The following TBL1X variants were observed in gnomAD, a reference collection of about 807,000 sequenced individuals.
TBL1X encodes transducin beta like 1 X-linked.
In TBL1X, 10 loss-of-function variants were observed where a neutral mutation model predicts 50.7. That is an observed-to-expected ratio of 0.20 (90% CI 0.12 to 0.33). The LOEUF is 0.33. Ranked by LOEUF, TBL1X falls within the 10% of genes least tolerant of loss-of-function variation. TBL1X has a pLI of 1.00. For missense variants in TBL1X, 340 were observed against 504.4 expected (o/e 0.67, Z 3.12); for synonymous variants, 190 against 214.7 (o/e 0.88, Z 1.01).
intron 2 of TBL1X, among the ~76,000 whole-genome samples, chrX:9,577,663 C>T (rs1008848802): frequency 1.8e-5 from 2 of 111,823 alleles, no homozygotes; most frequent in Non-Finnish European, 3.8e-5. Flanking sequence ...ATATGCGCCA[C>T]GATGGAGGAG....
At chrX:9,562,529 T>C (rs1175935163) in intron 2 of TBL1X, among the ~76,000 whole-genome samples, 1 of 111,689 alleles carries the variant, frequency 9.0e-6, no homozygotes, top group Non-Finnish European at 1.9e-5. Flanking sequence ...TAATGTCTCT[T>C]TTTCTCCTTA....
intron 2 of TBL1X, chrX:9,637,583 G>A (rs930139536): frequency 3.6e-5 from 4 of 111,963 alleles, no homozygotes; most frequent in African/African-American, 9.7e-5. Context: ...GGTATAATGC[G>A]TGTTATGGAT....
intron 5 of TBL1X, among the ~76,000 whole-genome samples, chrX:9,661,790 C>T (rs1191928894): frequency 9.0e-6 from 1 of 111,261 alleles, no homozygotes; most frequent in African/African-American, 3.3e-5. Context: ...TGGCGTGGGT[C>T]TCGGTTAGAG....
chrX:9,605,746 G>A (rs1468867916), intron 2 of TBL1X, among the ~76,000 whole-genome samples: 1 of 112,414 alleles, frequency 8.9e-6, no homozygotes, highest in African/African-American at 3.2e-5. Flanking sequence ...AATTTGTTGT[G>A]GCAAGACAGT....
rs757107084 is a variant in TBL1X, at chrX:9,713,421, C to CTTTTTTTTT, written c.1606-1477_1606-1476insTTTTTTTTT. Among the ~76,000 whole-genome samples the CTTTTTTTTT allele has an allele frequency of 4.1e-4, 36 of 87,563 alleles. 3 individuals carry two copies. The highest frequency in any genetic ancestry group is 6.7e-4 in the Admixed American group (5 of 7,493). The allele number at this position is 87,563 out of a possible 115,157, so 76.0% of individuals were successfully genotyped here. ...TTATAAATCAAAGAAATCCTTAGGA[C>CTTTTTTTTT]TTTTCTTTTTTTTTTTTTTTTTTGG... On this transcript the variant is annotated intron_variant, in intron 16 of 17. Transcript: ENST00000645353.
At chrX:9,634,593 C>T (rs1231042517) in intron 2 of TBL1X, among the ~76,000 whole-genome samples, 1 of 110,770 alleles carries the variant, frequency 9.0e-6, no homozygotes, top group Non-Finnish European at 1.9e-5. Flanking sequence ...CTCAAGTGAT[C>T]TTCCCACCTC....
chrX:9,526,053 A>G (rs777232249), intron 2 of TBL1X, among the ~76,000 whole-genome samples: 1 of 105,898 alleles, frequency 9.4e-6, no homozygotes, highest in African/African-American at 3.4e-5. Context: ...AGCTGCACCT[A>G]TAGTTCAAGA....
chrX:9,491,223 T>C (rs2081939647), intron 1 of TBL1X, among the ~76,000 whole-genome samples: 1 of 104,803 alleles, frequency 9.5e-6, no homozygotes, highest in South Asian at 4.6e-4. Context: ...GCTCAAGCAA[T>C]CCTCCTGCCT....
At chrX:9,521,385 C>T (rs1282130106) in intron 2 of TBL1X, among the ~76,000 whole-genome samples, 4 of 111,652 alleles carry the variant, frequency 3.6e-5, no homozygotes, top group African/African-American at 1.3e-4. Context: ...TCAGATTGTA[C>T]ACTGGGGAGC....
At chrX:9,620,386 G>A (rs1037153784) in intron 2 of TBL1X, among the ~76,000 whole-genome samples, 3 of 112,517 alleles carry the variant, frequency 2.7e-5, no homozygotes, top group South Asian at 7.4e-4. Context: ...AAGTGCTGTG[G>A]CTGCAGAGGC....
chrX:9,498,516 G>A (rs1428517610), intron 1 of TBL1X, among the ~76,000 whole-genome samples: 1 of 112,860 alleles, frequency 8.9e-6, no homozygotes, highest in East Asian at 2.8e-4. Flanking sequence ...GCAGCCCTGA[G>A]CAAAGGCCTG....
chrX:9,684,742 C>T lies in TBL1X; in HGVS notation c.357+554C>T, dbSNP rs141332002. On this transcript the variant is annotated intron_variant, in intron 6 of 17. Coordinates refer to ENST00000645353, the MANE Select transcript of TBL1X (RefSeq NM_005647.4). ...TGTGTTTTTGACTTAAATGTAGAATCACTGGCTGTTAGTTGATGTAAACAC... is the reference window on the plus strand; with the variant it reads ...TGTGTTTTTGACTTAAATGTAGAATTACTGGCTGTTAGTTGATGTAAACAC... Among the ~76,000 whole-genome samples the T allele has an allele frequency of 9.2e-3, 1,032 of 111,833 alleles. 14 individuals are homozygous for T. Among genetic ancestry groups the T allele is most frequent in the African/African-American group, 0.029 (890 of 30,748 alleles).
At chrX:9,699,250 C>T (rs2083154330) in intron 12 of TBL1X, among the ~76,000 whole-genome samples, 1 of 111,615 alleles carries the variant, frequency 9.0e-6, no homozygotes, top group South Asian at 3.8e-4. Context: ...CAAAATGATT[C>T]TTCATTTTCT....
intron 2 of TBL1X, among the ~76,000 whole-genome samples, chrX:9,522,163 A>G (rs1329155531): frequency 2.7e-5 from 3 of 109,550 alleles, no homozygotes; most frequent in Non-Finnish European, 5.7e-5. Context: ...GGCCACAGGC[A>G]TGAGCTACTT....
At chrX:9,709,068 A>C (rs1023624062) in intron 13 of TBL1X, among the ~76,000 whole-genome samples, 180 bp from the exon 14 acceptor site, 5 of 111,352 alleles carry the variant, frequency 4.5e-5, no homozygotes, top group African/African-American at 1.6e-4. Context: ...TATATAAATG[A>C]AAAAGGCAAA....
intron 5 of TBL1X, among the ~76,000 whole-genome samples, chrX:9,666,603 G>A (rs903412758): frequency 8.9e-5 from 10 of 111,858 alleles, no homozygotes; most frequent in African/African-American, 3.3e-4. Context: ...GATGCTTTAA[G>A]CCCATAAACT....
chrX:9,708,121 C>T (rs147978483), intron 13 of TBL1X, among the ~76,000 whole-genome samples: 271 of 112,005 alleles, frequency 2.4e-3, no homozygotes, highest in African/African-American at 8.2e-3. Context: ...CAAGCTGGTA[C>T]GCCATGTCCC....
intron 2 of TBL1X, among the ~76,000 whole-genome samples, chrX:9,598,962 T>TG (rs2095126896): frequency 9.2e-6 from 1 of 109,162 alleles, no homozygotes; most frequent in South Asian, 4.0e-4. Context: ...TTTTTTTTTT[T>TG]AGACGGAGTC....
intron 5 of TBL1X, among the ~76,000 whole-genome samples, chrX:9,681,868 G>A (rs1290878990): frequency 8.9e-6 from 1 of 112,731 alleles, no homozygotes; most frequent in Non-Finnish European, 1.9e-5. Context: ...GAGACTGATT[G>A]ATCAAGGGGA....
Sources: allele counts gnomAD v4.1 joint callset (sites outside exome capture counted in the v4.1 genomes callset), GRCh38; gene constraint gnomAD v4.1.1; transcripts MANE v1.5; gene names NCBI Gene and HGNC (gene_info 2026-07-23, HGNC 2026-07-21).